The following PCDHGA3 variants were observed in gnomAD, a reference collection of about 807,000 sequenced individuals.
PCDHGA3 encodes the protein protocadherin gamma subfamily A, 3.
Under a neutral mutation model 58.5 loss-of-function variants are expected in PCDHGA3, and 40 were observed. The ratio of observed to expected loss-of-function variants is 0.68; its 90% CI spans 0.53 to 0.89. PCDHGA3 has a LOEUF of 0.89. PCDHGA3 is among the 40% of genes least tolerant of loss of function. The pLI, the probability that PCDHGA3 is intolerant of heterozygous loss-of-function variation, is 0.00. For missense variants in PCDHGA3, 1,223 were observed against 1,195.9 expected, an observed-to-expected ratio of 1.02 and a Z score of -0.33; for synonymous variants, 530 against 525.7, an observed-to-expected ratio of 1.01 and a Z score of -0.11.
At chr5:141,416,982 T>C (rs191309825) in intron 1 of PCDHGA3, 25 of 152,264 alleles carry the variant, frequency 1.6e-4, no homozygotes, top group African/African-American at 5.5e-4. Context: ...GAGTCAAAAT[T>C]ATTGTGCATT....
At chr5:141,503,736 T>C (rs1381045077) in intron 2 of PCDHGA3, among the ~76,000 whole-genome samples, 4 of 152,202 alleles carry the variant, frequency 2.6e-5, no homozygotes, top group African/African-American at 9.6e-5. Context: ...TTTGTTGTGA[T>C]GGTATAGAGG....
At chr5:141,371,796 G>A in intron 1 of PCDHGA3, 2 of 1,613,914 alleles carry the variant, frequency 1.2e-6, no homozygotes, top group Non-Finnish European at 1.7e-6. Context: ...CAATCCGCCT[G>A]GAGCCTCCAT....
intron 1 of PCDHGA3, among the ~76,000 whole-genome samples, chr5:141,359,804 G>T (rs918422169): frequency 3.9e-5 from 6 of 151,996 alleles, no homozygotes; most frequent in African/African-American, 1.5e-4. Flanking sequence ...TTTGAATTTG[G>T]AACTATATGA....
chr5:141,505,381 C>T lies in PCDHGA3; in HGVS notation c.2484-12C>T. On this transcript the variant is annotated splice_polypyrimidine_tract_variant and intron_variant, in intron 2 of 3. Transcript: ENST00000253812. Reference sequence around the variant, plus strand: ...CTGGGAGTCTGTGCTCACCATCCTACTCTCTCCCCAGCTCCCAAAATGGCG... The same window carrying T: ...CTGGGAGTCTGTGCTCACCATCCTATTCTCTCCCCAGCTCCCAAAATGGCG... 1 of 1,614,064 alleles carries T rather than the reference C, an allele frequency of 6.2e-7. No homozygotes were observed.
At chr5:141,396,847 T>G (rs2093444333) in intron 1 of PCDHGA3, among the ~76,000 whole-genome samples, 1 of 152,190 alleles carries the variant, frequency 6.6e-6, no homozygotes. Context: ...GGGAGTTAAC[T>G]TCATAGTTTG....
chr5:141,375,317 C>A (rs758382127), intron 1 of PCDHGA3: 10 of 1,613,790 alleles, frequency 6.2e-6, no homozygotes, highest in South Asian at 2.2e-5. Flanking sequence ...AGCTCTAGAC[C>A]GGGAAGAGGT....
intron 1 of PCDHGA3, chr5:141,362,379 G>A (rs963441709): frequency 1.2e-5 from 19 of 1,614,004 alleles, no homozygotes; most frequent in Non-Finnish European, 1.5e-5. Flanking sequence ...AGGGTACATT[G>A]CCCTATTCCT....
At chr5:141,394,338 T>C in intron 1 of PCDHGA3, 2 of 1,614,048 alleles carry the variant, frequency 1.2e-6, no homozygotes, top group Non-Finnish European at 1.7e-6. Flanking sequence ...CTCCATCAAC[T>C]CTGACACCGG....
At chr5:141,403,444 G>A (rs2094408321) in intron 1 of PCDHGA3, 1 of 1,613,906 alleles carries the variant, frequency 6.2e-7, no homozygotes, top group African/African-American at 1.3e-5. Flanking sequence ...ATGTTGGCGT[G>A]AACTCCCTCC....
At chr5:141,369,467 G>T (rs1766263105) in intron 1 of PCDHGA3, among the ~76,000 whole-genome samples, 1 of 152,022 alleles carries the variant, frequency 6.6e-6, no homozygotes, top group South Asian at 2.1e-4. Context: ...AGGTGTTCTA[G>T]CCCAGCCTGG....
intron 1 of PCDHGA3, chr5:141,405,392 TTC>T (rs1477182661): frequency 6.3e-7 from 1 of 1,595,986 alleles, no homozygotes; most frequent in Non-Finnish European, 8.5e-7. Flanking sequence ...TTCATTTTTT[TTC>T]TTTCTTTCTT....
At chr5:141,371,827 A>T in intron 1 of PCDHGA3, 1 of 1,613,784 alleles carries the variant, frequency 6.2e-7, no homozygotes, top group Non-Finnish European at 8.5e-7. Flanking sequence ...AGAGCCTCGG[A>T]TCCCGACTTG....
chr5:141,433,564 G>A (rs1380905062), intron 1 of PCDHGA3, among the ~76,000 whole-genome samples: 1 of 152,042 alleles, frequency 6.6e-6, no homozygotes, highest in Non-Finnish European at 1.5e-5. Flanking sequence ...GGCTGGGCGC[G>A]GTGGCTCACG....
chr5:141,431,401 C>T lies in PCDHGA3; in HGVS notation c.2425-63406C>T. ...CTGCTCACCACCTGGTCCTTACGGC[C>T]TCCGACGGGGGCGACCCGGTGCGCA... On this transcript the variant is annotated intron_variant, in intron 1 of 3. Transcript: ENST00000253812. The surrounding 1 kb of genome is among the most constrained non-coding windows in gnomAD (Gnocchi z 4.8). 2 of 1,613,800 alleles carry T rather than the reference C, an allele frequency of 1.2e-6. No homozygotes were observed. Among genetic ancestry groups the T allele is most frequent in the Admixed American group, 1.7e-5 (1 of 60,036 alleles).
At position 141,361,194 on chromosome 5, in the gene PCDHGA3, T is replaced by TA. The variant is rs755692638; in HGVS notation, c.2424+14738dup. ...CTGAAGTTATTGTGACTTCAGTATC[T>TA]ACTCCCCTACCGGAGGATTCGCCAC... is the stretch of plus-strand genomic sequence containing the variant. On this transcript the variant is annotated intron_variant, in intron 1 of 3. Transcript: ENST00000253812. The TA allele has an allele frequency of 9.9e-6, 16 of 1,613,986 alleles. No homozygotes were observed. In the South Asian group the frequency reaches 1.8e-4, roughly 18 times the overall value.
chr5:141,389,975 C>A (rs1318416407), intron 1 of PCDHGA3: 1 of 1,614,060 alleles, frequency 6.2e-7, no homozygotes, highest in Non-Finnish European at 8.5e-7. Flanking sequence ...TGGCCTTGAT[C>A]TCAGTGCTCT....
Position 141,512,040 on chromosome 5 carries a change from A to G in PCDHGA3, c.*867A>G, listed in dbSNP as rs775766584. 1.3e-5 allele frequency: 2 copies of G among 152,838 alleles called. No homozygotes were observed. The highest frequency in any genetic ancestry group is 2.9e-5 in the Non-Finnish European group (2 of 68,198). 9.5% of individuals were successfully genotyped at this position (152,838 alleles called of 1,614,324 possible). A position where few individuals can be genotyped will look rare whatever the true frequency, so the allele number is the denominator to read the frequency against. ...ATCAAGGCCTTGGAGGAGGCTCTGT[A>G]TGTCCTCAGGGGACTGACAACATCC... On this transcript the variant is annotated 3_prime_UTR_variant, in exon 4 of 4. Coordinates refer to ENST00000253812, the MANE Select transcript of PCDHGA3 (RefSeq NM_018916.4).
chr5:141,351,755 T>C (rs1758807882), intron 1 of PCDHGA3: 1 of 1,613,480 alleles, frequency 6.2e-7, no homozygotes, highest in Admixed American at 1.7e-5. Flanking sequence ...GGAGCTGTTG[T>C]CCTACGTGTC....
intron 1 of PCDHGA3, chr5:141,364,350 G>A: frequency 6.5e-7 from 1 of 1,550,364 alleles, no homozygotes; most frequent in Non-Finnish European, 8.7e-7. Flanking sequence ...CCACCTAGGG[G>A]CTGGGGCTGC....
Sources: gnomAD v4.1 joint callset for allele counts (sites outside exome capture counted in the v4.1 genomes callset) on GRCh38, gnomAD v4.1.1 for gene constraint, Gnocchi (gnomAD v3.1) non-coding constraint, MANE v1.5 for transcripts, NCBI Gene and HGNC (gene_info 2026-07-23, HGNC 2026-07-21) for gene names.